Variants in RPAP3 observed in about 807,000 individuals in gnomAD.
RPAP3 encodes the protein RNA polymerase II-associated protein 3.
A neutral mutation model predicts 88.8 loss-of-function variants in RPAP3; 58 were observed. The observed-to-expected ratio is 0.65, with a 90% CI of 0.53 to 0.81. The LOEUF is 0.81. Ranked by LOEUF, RPAP3 falls within the 40% of genes least tolerant of loss-of-function variation. The probability of loss-of-function intolerance (pLI) is 0.00; values close to 1 mark genes in which losing one functional copy is unlikely to be tolerated. For synonymous variants in RPAP3, 255 were observed against 259.9 expected (o/e 0.98, Z 0.18); for missense variants, 751 against 764.3 (o/e 0.98, Z 0.20).
intron 12 of RPAP3, among the ~76,000 whole-genome samples, chr12:47,676,062 A>C (rs1939108259): frequency 6.6e-6 from 1 of 152,246 alleles, no homozygotes; most frequent in Non-Finnish European, 1.5e-5. Context: ...ACCACAGTGC[A>C]ATCAAATTAG....
intron 5 of RPAP3, among the ~76,000 whole-genome samples, chr12:47,695,605 T>C (rs1939509908): frequency 6.6e-6 from 1 of 152,182 alleles, no homozygotes; most frequent in African/African-American, 2.4e-5. Flanking sequence ...CTACATATAT[T>C]GCAGATATCG....
chr12:47,679,867 A>ATTTTTAGT (rs1939189195), intron 10 of RPAP3, 93 bp from the exon 11 acceptor site: 9 of 880,342 alleles, frequency 1.0e-5, no homozygotes, highest in Non-Finnish European at 1.4e-5. Context: ...GTTAGTAATC[A>ATTTTTAGT]CATTTTTAGC....
At chr12:47,670,617 TAA>T (rs1347000665) in intron 12 of RPAP3, among the ~76,000 whole-genome samples, 1 of 152,096 alleles carries the variant, frequency 6.6e-6, no homozygotes, top group African/African-American at 2.4e-5. Context: ...CACAAAACGC[TAA>T]GAGAACACAG....
At chr12:47,685,065 T>C (rs1004311293) in intron 9 of RPAP3, among the ~76,000 whole-genome samples, 2 of 152,276 alleles carry the variant, frequency 1.3e-5, no homozygotes, top group East Asian at 1.9e-4. Context: ...ATAGTATCTA[T>C]CACTTTGTCA....
At position 47,669,063 on chromosome 12, in the gene RPAP3, G is replaced by C; in HGVS notation, c.1566C>G (p.Tyr522Ter). 1 of 1,613,946 alleles carries C rather than the reference G, an allele frequency of 6.2e-7. No homozygotes were observed. Among genetic ancestry groups the C allele is most frequent in the Non-Finnish European group, 8.5e-7 (1 of 1,179,864 alleles). ...CTATCTCTATGGGCATTTTCTCGCT[G>C]TAAGACTGACATACATCCTGCTTCA... ...ASLKQDVCQSYSEKMPIEIEQ... is the reference protein window; with the variant it reads ...ASLKQDVCQS Residue 522 changes from tyrosine (Y) to a stop codon, truncating the protein, a stop_gained, in exon 14 of 17, where the codon TAC becomes TAG. Transcript: ENST00000005386. LOFTEE classifies it high-confidence loss of function.
Position 47,662,858 on chromosome 12 carries a change from T to C in RPAP3, c.*647A>G, listed in dbSNP as rs1938788190. 6.6e-6 allele frequency: 1 copy of C among 152,232 alleles called. No individual in the cohort carries two copies. Among genetic ancestry groups the C allele is most frequent in the African/African-American group, 2.4e-5 (1 of 41,456 alleles). 9.4% of individuals were successfully genotyped at this position (152,232 alleles called of 1,614,324 possible). A position where few individuals can be genotyped will look rare whatever the true frequency, so the allele number is the denominator to read the frequency against. On this transcript the variant is annotated 3_prime_UTR_variant, in exon 17 of 17. Coordinates refer to ENST00000005386, the MANE Select transcript of RPAP3 (RefSeq NM_024604.3). ...TTAAACATTACTAATTTTTACATTT[T>C]TACACCTTGCATTAGATTATCTGTC...
At position 47,698,517 on chromosome 12, in the gene RPAP3, T is replaced by A. The variant is rs559396471; in HGVS notation, c.295-798A>T. On this transcript the variant is annotated intron_variant, in intron 3 of 16. Coordinates refer to ENST00000005386, the MANE Select transcript of RPAP3 (RefSeq NM_024604.3). ...ACAATGATTTTTAGTAAGATTTTAT[T>A]TTTATTTTATTTTTGAGACAGCATC... Among the ~76,000 whole-genome samples, 4 of 152,306 alleles carry A rather than the reference T, an allele frequency of 2.6e-5. No homozygotes were observed. In the East Asian group the frequency reaches 7.7e-4, roughly 29 times the overall value.
chr12:47,699,778 A>G (rs1159739185), intron 3 of RPAP3: 1 of 152,186 alleles, frequency 6.6e-6, no homozygotes, highest in Non-Finnish European at 1.5e-5. Flanking sequence ...ACATCCACAC[A>G]ATGGAATTCT....
rs1292071295 is a variant in RPAP3, at chr12:47,669,038, C to A, written c.1591G>T (p.Glu531Ter). The A allele has an allele frequency of 6.2e-7, 1 of 1,613,934 alleles. No homozygotes were observed. The highest frequency in any genetic ancestry group is 1.7e-5 in the Admixed American group (1 of 60,020). ...SYSEKMPIEIEQKPAQFATTV... is the reference protein window; with the variant it reads ...SYSEKMPIEI ...GTGGCAAACTGAGCAGGTTTTTGTT[C>A]TATCTCTATGGGCATTTTCTCGCTG... is the stretch of plus-strand genomic sequence containing the variant. Residue 531 changes from glutamate to a stop codon, truncating the protein, a stop_gained, in exon 14 of 17, where the codon GAA (glutamate) becomes TAA (stop). Transcript: ENST00000005386. LOFTEE classifies it high-confidence loss of function.
chr12:47,682,427 T>C (rs1939239375), intron 9 of RPAP3, among the ~76,000 whole-genome samples: 1 of 152,182 alleles, frequency 6.6e-6, no homozygotes, highest in Admixed American at 6.5e-5. Context: ...ACTTCAGACA[T>C]TCCCATATAT....
intron 5 of RPAP3, among the ~76,000 whole-genome samples, chr12:47,691,678 T>C (rs780313367): frequency 1.3e-5 from 2 of 152,238 alleles, no homozygotes; most frequent in Non-Finnish European, 2.9e-5. Flanking sequence ...TTCATGTCCT[T>C]GTACATCTCC....
chr12:47,700,774 G>T (rs1367343798), intron 3 of RPAP3, among the ~76,000 whole-genome samples: 1 of 152,158 alleles, frequency 6.6e-6, no homozygotes. Flanking sequence ...AACTTCCTAG[G>T]ATCAAGATAG....
In RPAP3 at chr12:47,666,981, C is replaced by A; in HGVS notation, c.1911G>T (p.Lys637Asn). Residue 637 changes from lysine to asparagine, a missense_variant and splice_region_variant, in exon 16 of 17, where the codon AAG (lysine) becomes AAT (asparagine). Coordinates refer to ENST00000005386, the MANE Select transcript of RPAP3 (RefSeq NM_024604.3). ...AVMFMSETEK[K>N]IARALFNHID... ...TGGGAAAACTTTCATAGAACTTACT[C>A]TTTTTCTCTGTTTCTGACATAAACA... The A allele has an allele frequency of 6.7e-7, 1 of 1,498,484 alleles. No individual in the cohort carries two copies. Among genetic ancestry groups the A allele is most frequent in the South Asian group, 1.3e-5 (1 of 75,866 alleles). 92.8% of individuals were successfully genotyped at this position (1,498,484 alleles called of 1,614,324 possible).
intron 12 of RPAP3, among the ~76,000 whole-genome samples, chr12:47,677,223 G>C (rs1257364260): frequency 2.0e-5 from 3 of 152,062 alleles, no homozygotes; most frequent in African/African-American, 7.2e-5. Context: ...CAATAAACTA[G>C]GTATTGATGG....
At chr12:47,683,305 C>T (rs141335481) in intron 9 of RPAP3, among the ~76,000 whole-genome samples, 3 of 152,126 alleles carry the variant, frequency 2.0e-5, no homozygotes, top group Non-Finnish European at 4.4e-5. Context: ...CTGCAAATTT[C>T]GGGTTTCTTA....
In RPAP3 at chr12:47,673,238, T is replaced by C. The variant is rs142362612; in HGVS notation, c.1288-2893A>G. On this transcript the variant is annotated intron_variant, in intron 12 of 16. Transcript: ENST00000005386. The stretch of plus-strand genomic sequence containing the variant: ...TGGGCAGATCACTTGAGGTCAGGAG[T>C]TCGAGACCAGTCTGGCCAACATGGT... 3.1e-4 allele frequency among the ~76,000 whole-genome samples: 47 copies of C among 150,598 alleles called. 1 individual carries two copies. The highest frequency in any genetic ancestry group is 1.1e-3 in the African/African-American group (46 of 41,034).
At chr12:47,693,069 C>T (rs1456034549) in intron 5 of RPAP3, among the ~76,000 whole-genome samples, 1 of 152,070 alleles carries the variant, frequency 6.6e-6, no homozygotes, top group Non-Finnish European at 1.5e-5. Context: ...TTAGTAGAGA[C>T]AGGGTTTCAC....
At chr12:47,699,269 ACATCTCTGT>A (rs1279121873) in intron 3 of RPAP3, 10 of 152,206 alleles carry the variant, frequency 6.6e-5, no homozygotes, top group Non-Finnish European at 1.3e-4. Flanking sequence ...AGTGTAGAAA[ACATCTCTGT>A]AAGAAATCAT....
chr12:47,675,664 G>A (rs1939098005), intron 12 of RPAP3, among the ~76,000 whole-genome samples: 1 of 152,160 alleles, frequency 6.6e-6, no homozygotes, highest in South Asian at 2.1e-4. Context: ...CTACCTAATG[G>A]TAAAGGGATC....
Sources: allele counts gnomAD v4.1 joint callset (sites outside exome capture counted in the v4.1 genomes callset), GRCh38; gene constraint gnomAD v4.1.1; transcripts MANE v1.5; gene names NCBI Gene and HGNC (gene_info 2026-07-23, HGNC 2026-07-21).